MARCHF1: variants seen among roughly 807,000 people sequenced by gnomAD.
MARCHF1 encodes the protein membrane associated ring-CH-type finger 1.
MARCHF1 carries 40 observed loss-of-function variants against 54.2 expected under a neutral mutation model. The ratio of observed to expected loss-of-function variants is 0.74; its 90% CI spans 0.57 to 0.96. The LOEUF (loss-of-function observed/expected upper bound fraction) is 0.96, where lower values mean the gene tolerates loss of function less well. Ranked by LOEUF, MARCHF1 falls within the 40% of genes least tolerant of loss-of-function variation. MARCHF1 has a pLI of 0.00. For missense variants in MARCHF1, 586 were observed against 656.5 expected, an observed-to-expected ratio of 0.89 and a Z score of 1.17; for synonymous variants, 236 against 236.3, an observed-to-expected ratio of 1.00 and a Z score of 0.01.
At chr4:163,599,606 C>A (rs1740890843) in intron 7 of MARCHF1, among the ~76,000 whole-genome samples, 1 of 152,158 alleles carries the variant, frequency 6.6e-6, no homozygotes, top group African/African-American at 2.4e-5. Context: ...ACAGTGAACA[C>A]ACTCTATTGC....
chr4:163,859,516 C>T (rs1057199411), intron 3 of MARCHF1, among the ~76,000 whole-genome samples: 2 of 152,052 alleles, frequency 1.3e-5, no homozygotes, highest in Non-Finnish European at 2.9e-5. Context: ...CCTGCCACCA[C>T]ACCCGGGTAA....
intron 2 of MARCHF1, among the ~76,000 whole-genome samples, chr4:164,008,616 C>G (rs1431565655): frequency 6.6e-6 from 1 of 151,922 alleles, no homozygotes; most frequent in Non-Finnish European, 1.5e-5. Flanking sequence ...AAAAAAAAGG[C>G]AGAAATCATG....
intron 4 of MARCHF1, among the ~76,000 whole-genome samples, chr4:163,814,794 A>C (rs1175256700): frequency 6.6e-6 from 1 of 152,232 alleles, no homozygotes; most frequent in Non-Finnish European, 1.5e-5. Flanking sequence ...AGAAACAACT[A>C]TCAGCAATAG....
At chr4:163,568,625 G>C (rs749256306) in intron 8 of MARCHF1, among the ~76,000 whole-genome samples, 1 of 152,220 alleles carries the variant, frequency 6.6e-6, no homozygotes, top group South Asian at 2.1e-4. Flanking sequence ...TTTGGAGCAC[G>C]CACCTTCTTC....
intron 5 of MARCHF1, among the ~76,000 whole-genome samples, chr4:163,676,397 A>G (rs888173413): frequency 2.6e-5 from 4 of 151,684 alleles, no homozygotes; most frequent in Non-Finnish European, 5.9e-5. Flanking sequence ...AAAACATACT[A>G]TGGTTCTTCA....
chr4:163,593,618 C>G (rs1463444050), intron 7 of MARCHF1, among the ~76,000 whole-genome samples: 1 of 152,160 alleles, frequency 6.6e-6, no homozygotes, highest in Non-Finnish European at 1.5e-5. Context: ...AGCTCATCCT[C>G]AACCATGACT....
rs527787411 is a variant in MARCHF1, at chr4:164,092,984, A to G, written c.-248+18604T>C. Among the ~76,000 whole-genome samples the G allele has an allele frequency of 3.9e-5, 6 of 152,240 alleles. No homozygotes were observed. The East Asian group carries it at 1.2e-3, about 29-fold the overall frequency. ...TTAAAACCCTCTGTAAATGGGCTTT[A>G]CACTCCACAAGTAAAGAACCTTGGT... On this transcript the variant is annotated intron_variant, in intron 2 of 9. Coordinates refer to ENST00000514618, the MANE Select transcript of MARCHF1 (RefSeq NM_001394959.1).
intron 3 of MARCHF1, among the ~76,000 whole-genome samples, chr4:163,956,665 A>C (rs1427348425): frequency 6.6e-6 from 1 of 152,150 alleles, no homozygotes; most frequent in Non-Finnish European, 1.5e-5. Flanking sequence ...TTTTAAGTAA[A>C]CAACACAGTT....
At chr4:163,765,374 TA>T (rs1746944698) in intron 4 of MARCHF1, among the ~76,000 whole-genome samples, 1 of 152,082 alleles carries the variant, frequency 6.6e-6, no homozygotes, top group African/African-American at 2.4e-5. Context: ...CATGACCAAA[TA>T]ACATTCCAAT....
chr4:163,884,489 A>T (rs1420779588), intron 3 of MARCHF1, among the ~76,000 whole-genome samples: 1 of 152,132 alleles, frequency 6.6e-6, no homozygotes, highest in Non-Finnish European at 1.5e-5. Context: ...GAGGTCCTGG[A>T]AACAAAGGTA....
Position 164,113,205 on chromosome 4 carries a change from T to A in MARCHF1, c.-322-1543A>T, listed in dbSNP as rs112983922. Among the ~76,000 whole-genome samples, 1,429 of 152,022 alleles carry A rather than the reference T, an allele frequency of 9.4e-3. 15 individuals carry two copies. The highest frequency in any genetic ancestry group is 0.049 in the East Asian group (255 of 5,164). ...AAATCCAAGTTCCAAATACAAGGTA[T>A]TATGAAATATCATTGGGTGCATTAG... On this transcript the variant is annotated intron_variant, in intron 1 of 9. Transcript: ENST00000514618.
At chr4:164,031,540 AG>A (rs1176848388) in intron 2 of MARCHF1, among the ~76,000 whole-genome samples, 1 of 152,106 alleles carries the variant, frequency 6.6e-6, no homozygotes, top group Non-Finnish European at 1.5e-5. Context: ...TTTAGCGTGA[AG>A]GGATACTGAA....
At chr4:163,931,460 A>G (rs1476630952) in intron 3 of MARCHF1, among the ~76,000 whole-genome samples, 1 of 152,078 alleles carries the variant, frequency 6.6e-6, no homozygotes, top group Non-Finnish European at 1.5e-5. Flanking sequence ...TGCCTTCATA[A>G]AGGAGGCCTC....
At chr4:163,687,677 A>G (rs1384445414) in intron 5 of MARCHF1, among the ~76,000 whole-genome samples, 1 of 152,180 alleles carries the variant, frequency 6.6e-6, no homozygotes, top group East Asian at 1.9e-4. Context: ...TTTTAGGTAT[A>G]GTGGATATAG....
In MARCHF1 at chr4:163,612,325, AC is replaced by A; in HGVS notation, c.955del (p.Val319PhefsTer15). 6.5e-7 allele frequency: 1 copy of A among 1,531,784 alleles called. No individual in the cohort carries two copies. Among genetic ancestry groups the A allele is most frequent in the Non-Finnish European group, 8.7e-7 (1 of 1,145,440 alleles). 94.9% of individuals were successfully genotyped at this position (1,531,784 alleles called of 1,614,324 possible). A position where few individuals can be genotyped will look rare whatever the true frequency, so the allele number is the denominator to read the frequency against. On this transcript the variant is annotated frameshift_variant, in exon 7 of 10. Transcript: ENST00000514618. LOFTEE classifies it high-confidence loss of function. ...NDAGLQVNNPVQKPPATYDDG... is the reference protein window; with the variant it reads ...NDAGLQVNNPXQKPPATYDDG... ...GTCATAGGTGGCAGGAGGCTTCTGAACAGGGTTATTCACCTGGAGCCCTGCA... is the reference window on the plus strand; with the variant it reads ...GTCATAGGTGGCAGGAGGCTTCTGAAAGGGTTATTCACCTGGAGCCCTGCA...
rs114904269 is a variant in MARCHF1 at position 164,186,924 on chromosome 4, T to C, written c.-322-75262A>G. Among the ~76,000 whole-genome samples the C allele has an allele frequency of 3.2e-3, 485 of 152,320 alleles. 1 individual carries two copies. Among genetic ancestry groups the C allele is most frequent in the African/African-American group, 0.011 (460 of 41,582 alleles). On this transcript the variant is annotated intron_variant, in intron 1 of 9. Transcript: ENST00000514618. ...GCAAGGATGTCTAAGGTGTCGAAAG[T>C]AGTTTCCATGTTTGTGAATCAATTA...
chr4:164,117,272 T>A (rs990915393), intron 1 of MARCHF1, among the ~76,000 whole-genome samples: 9 of 151,728 alleles, frequency 5.9e-5, no homozygotes, highest in Admixed American at 1.3e-4. Context: ...AAATAAAAAA[T>A]AAATAAATAA....
intron 4 of MARCHF1, among the ~76,000 whole-genome samples, chr4:163,743,817 G>A (rs1234679841): frequency 6.6e-6 from 1 of 152,120 alleles, no homozygotes; most frequent in Non-Finnish European, 1.5e-5. Flanking sequence ...TTGCTATGTA[G>A]AGCTAAATAA....
At chr4:164,027,735 C>G (rs1753801016) in intron 2 of MARCHF1, among the ~76,000 whole-genome samples, 1 of 151,928 alleles carries the variant, frequency 6.6e-6, no homozygotes, top group Non-Finnish European at 1.5e-5. Flanking sequence ...ACAACAAAAA[C>G]AAAAATTAGT....
Sources: allele counts gnomAD v4.1 joint callset (sites outside exome capture counted in the v4.1 genomes callset), GRCh38; gene constraint gnomAD v4.1.1; transcripts MANE v1.5; gene names NCBI Gene and HGNC (gene_info 2026-07-23, HGNC 2026-07-21).